Variants in BAZ2B observed in about 807,000 individuals in gnomAD.
BAZ2B encodes the protein bromodomain adjacent to zinc finger domain 2B.
In BAZ2B, 91 loss-of-function variants were observed where a neutral mutation model predicts 246.0. The ratio of observed to expected loss-of-function variants is 0.37; its 90% confidence interval spans 0.31 to 0.44. The LOEUF (loss-of-function observed/expected upper bound fraction) is 0.44, where lower values mean the gene tolerates loss of function less well. Among genes scored for constraint, BAZ2B ranks in the 20% least tolerant of loss-of-function variants. BAZ2B has a pLI of 1.00. For synonymous variants in BAZ2B, 855 were observed against 860.0 expected, an observed-to-expected ratio of 0.99 and a Z score of 0.10; for missense variants, 2,332 against 2,533.7, an observed-to-expected ratio of 0.92 and a Z score of 1.71.
At chr2:159,372,204 T>C (rs1234427914) in intron 27 of BAZ2B, among the ~76,000 whole-genome samples, 1 of 152,216 alleles carries the variant, frequency 6.6e-6, no homozygotes, top group Non-Finnish European at 1.5e-5. Context: ...TGCCTAGAAA[T>C]GTCTAGCACA....
intron 13 of BAZ2B, among the ~76,000 whole-genome samples, chr2:159,426,465 C>T (rs3755437): frequency 0.39 from 59,169 of 151,922 alleles, 12,330 homozygotes; most frequent in Non-Finnish European, 0.49. Context: ...ATCGTGTATA[C>T]AGAATGTGTA....
chr2:159,351,264 A>G (rs1462910778), intron 27 of BAZ2B, among the ~76,000 whole-genome samples: 1 of 152,154 alleles, frequency 6.6e-6, no homozygotes. Context: ...GTTTTATTGA[A>G]TAATACCCTG....
At chr2:159,704,501 A>C in the BAZ2B span, among the ~76,000 whole-genome samples, 1 of 47,892 alleles carries the variant, frequency 2.1e-5, no homozygotes, top group Non-Finnish European at 3.7e-5. Context: ...TTTTTTTTTG[A>C]GACGGAGTTT....
chr2:159,484,497 T>C (rs190619475), intron 2 of BAZ2B, among the ~76,000 whole-genome samples: 87 of 152,318 alleles, frequency 5.7e-4, no homozygotes, highest in African/African-American at 2.0e-3. Flanking sequence ...TTTACTAAAA[T>C]GACATTTATC....
rs1400835984 is a variant in BAZ2B at position 159,546,128 on chromosome 2, T to C, written c.-3+9695A>G. Among the ~76,000 whole-genome samples, 3 of 152,150 alleles carry C rather than the reference T, an allele frequency of 2.0e-5. No homozygotes were observed. The East Asian group carries it at 5.8e-4, about 29-fold the overall frequency. On this transcript the variant is annotated intron_variant, in intron 2 of 36. Coordinates refer to ENST00000392783, the MANE Select transcript of BAZ2B (RefSeq NM_013450.4). ...CAGTTACATTTTGGTTTGACATGCC[T>C]ATAGTCTAGTGATATGGTTTGGCTG...
intron 34 of BAZ2B, among the ~76,000 whole-genome samples, chr2:159,332,211 A>C (rs954567021): frequency 1.3e-5 from 2 of 152,076 alleles, no homozygotes; most frequent in African/African-American, 4.8e-5. Flanking sequence ...GTTTGGAGCC[A>C]GGTGCAGTGG....
At chr2:159,518,471 A>T (rs776651404) in intron 2 of BAZ2B, among the ~76,000 whole-genome samples, 2 of 152,174 alleles carry the variant, frequency 1.3e-5, no homozygotes, top group African/African-American at 4.8e-5. Context: ...TGTACTCTGG[A>T]AAGTCCAAGA....
the BAZ2B span, among the ~76,000 whole-genome samples, chr2:159,649,466 G>A: frequency 6.6e-6 from 1 of 152,080 alleles, no homozygotes; most frequent in Non-Finnish European, 1.5e-5. Context: ...GAGTGTTGGG[G>A]AGTGGCTGTA....
chr2:159,588,421 G>A (rs976820248), intron 1 of BAZ2B, among the ~76,000 whole-genome samples: 1 of 151,992 alleles, frequency 6.6e-6, no homozygotes, highest in African/African-American at 2.4e-5. Flanking sequence ...CACTTTGGGA[G>A]ATCAAGGTGA....
At chr2:159,447,115 C>A (rs1460464583) in intron 5 of BAZ2B, 140 bp from the exon 6 acceptor site, 1 of 585,154 alleles carries the variant, frequency 1.7e-6, no homozygotes, top group South Asian at 3.8e-5. Context: ...TTGTATGATT[C>A]CATCTACATG....
At chr2:159,354,988 T>C (rs2149214559) in intron 27 of BAZ2B, among the ~76,000 whole-genome samples, 1 of 152,340 alleles carries the variant, frequency 6.6e-6, no homozygotes, top group East Asian at 1.9e-4. Context: ...TCTTGAGTTT[T>C]ACCAGAATCA....
chr2:159,462,975 ATT>A, intron 3 of BAZ2B: 1 of 955,492 alleles, frequency 1.0e-6, no homozygotes, highest in African/African-American at 1.6e-5. Context: ...TGTAAAGGAA[ATT>A]TTGTTTCTTG....
intron 6 of BAZ2B, among the ~76,000 whole-genome samples, chr2:159,442,624 C>T (rs1164687271): frequency 6.6e-6 from 1 of 152,190 alleles, no homozygotes; most frequent in African/African-American, 2.4e-5. Flanking sequence ...TCCTATAAAA[C>T]TGAAATTCTA....
intron 2 of BAZ2B, among the ~76,000 whole-genome samples, chr2:159,542,941 G>C (rs994735905): frequency 6.6e-6 from 1 of 152,174 alleles, no homozygotes; most frequent in Admixed American, 6.5e-5. Context: ...CATGTCAAAT[G>C]CCTGGGTTTG....
At chr2:159,381,762 C>A (rs1471755049) in intron 25 of BAZ2B, among the ~76,000 whole-genome samples, 3 of 152,194 alleles carry the variant, frequency 2.0e-5, no homozygotes, top group Non-Finnish European at 2.9e-5. Context: ...AGCAAAAGAT[C>A]CTAGTTCATC....
At chr2:159,677,750 T>C in the BAZ2B span, among the ~76,000 whole-genome samples, 1 of 152,186 alleles carries the variant, frequency 6.6e-6, no homozygotes, top group African/African-American at 2.4e-5. Flanking sequence ...AGAAGCTTAA[T>C]TTGCCCAAAT....
chr2:159,471,417 C>T (rs189566268), intron 3 of BAZ2B, among the ~76,000 whole-genome samples: 1 of 152,126 alleles, frequency 6.6e-6, no homozygotes, highest in Admixed American at 6.5e-5. Context: ...GTCTGGACAA[C>T]AGAGTGAGTC....
At chr2:159,663,209 T>C in the BAZ2B span, among the ~76,000 whole-genome samples, 1 of 151,446 alleles carries the variant, frequency 6.6e-6, no homozygotes, top group African/African-American at 2.4e-5. Context: ...TTCTTTTTTT[T>C]CTTTTTTTTT....
rs907738098 is a variant in BAZ2B, at chr2:159,535,545, C to T, written c.-3+20278G>A. Among the ~76,000 whole-genome samples, 10 of 152,046 alleles carry T rather than the reference C, an allele frequency of 6.6e-5. 1 individual carries two copies. Among genetic ancestry groups the T allele is most frequent in the Middle Eastern group, 6.3e-3 (2 of 316 alleles). On this transcript the variant is annotated intron_variant, in intron 2 of 36. Transcript: ENST00000392783. ...GTCTCAAAAAGAAAAGAAAAATACACCTTTATTTTATTTGAAGAATATTAT... is the reference window on the plus strand; with the variant it reads ...GTCTCAAAAAGAAAAGAAAAATACATCTTTATTTTATTTGAAGAATATTAT...
Sources: allele counts gnomAD v4.1 joint callset (sites outside exome capture counted in the v4.1 genomes callset), GRCh38; gene constraint gnomAD v4.1.1; transcripts MANE v1.5; gene names NCBI Gene and HGNC (gene_info 2026-07-23, HGNC 2026-07-21).